TNK2: variants seen among roughly 807,000 people sequenced by gnomAD.
TNK2 encodes activated CDC42 kinase 1.
TNK2 carries 83 observed loss-of-function variants against 101.8 expected under a neutral mutation model. The ratio of observed to expected loss-of-function variants is 0.82; its 90% CI spans 0.68 to 0.98. The LOEUF is 0.98. TNK2 is among the 50% of genes least tolerant of loss of function. The pLI is 0.00. For synonymous variants in TNK2, 804 were observed against 633.0 expected (o/e 1.27, Z -4.06); for missense variants, 1,665 against 1,483.2 (o/e 1.12, Z -2.01).
At position 195,867,442 on chromosome 3, in the gene TNK2, CG is replaced by C. The variant is rs1560468011; in HGVS notation, c.2855del (p.Pro952ArgfsTer36). 6.3e-7 allele frequency: 1 copy of C among 1,595,496 alleles called. No individual in the cohort carries two copies. Among genetic ancestry groups the C allele is most frequent in the East Asian group, 2.2e-5 (1 of 44,638 alleles). ...TCTGTGGCAGCCGAGCAGTGGCCCT[CG>C]GGGGTGGTGGCCGGGCCCCTGGGTT... ...NSNPGARPPP[P>X]RATARLPQRG... is the part of the protein sequence containing the mutation. On this transcript the variant is annotated frameshift_variant, in exon 13 of 16. Coordinates refer to ENST00000672887, the MANE Select transcript of TNK2 (RefSeq NM_001382273.1). LOFTEE classifies it high-confidence loss of function.
chr3:195,905,003 G>T (rs1441280833), intron 1 of TNK2, among the ~76,000 whole-genome samples: 1 of 152,124 alleles, frequency 6.6e-6, no homozygotes, highest in Non-Finnish European at 1.5e-5. Context: ...AAATGTATAT[G>T]GAAGTGCAAA....
At chr3:195,875,986 G>A (rs1448917320) in intron 9 of TNK2, among the ~76,000 whole-genome samples, 1 of 152,130 alleles carries the variant, frequency 6.6e-6, no homozygotes, top group South Asian at 2.1e-4. Context: ...CAAAACGCCC[G>A]CCCGCTCTTC....
intron 1 of TNK2, among the ~76,000 whole-genome samples, chr3:195,901,285 TG>T (rs1208667687): frequency 1.3e-5 from 2 of 152,028 alleles, no homozygotes; most frequent in African/African-American, 2.4e-5. Context: ...GCTCAGGATC[TG>T]GGGGAGGGCA....
intron 1 of TNK2, among the ~76,000 whole-genome samples, chr3:195,898,399 C>G (rs1050228583): frequency 6.6e-6 from 1 of 152,150 alleles, no homozygotes; most frequent in African/African-American, 2.4e-5. Context: ...AATGGAATCC[C>G]CATCATAAAA....
Position 195,881,607 on chromosome 3 carries a change from A to G in TNK2, c.887+444T>C, listed in dbSNP as rs368166212. Among the ~76,000 whole-genome samples, 136 of 51,946 alleles carry G rather than the reference A, an allele frequency of 2.6e-3. 2 individuals carry two copies. In the East Asian group the frequency reaches 0.029, roughly 11 times the overall value. 34.1% of individuals were successfully genotyped at this position (51,946 alleles called of 152,430 possible). ...AACACCCCCCCAGCGATGCCCCTTG[A>G]AGAGGACACAGCATCTATCCTTGTA... On this transcript the variant is annotated intron_variant, in intron 6 of 15. Coordinates refer to ENST00000672887, the MANE Select transcript of TNK2 (RefSeq NM_001382273.1).
In TNK2 at chr3:195,864,007, A is replaced by AG; in HGVS notation, c.*173dup. ...TGTGCAGGGACAGCGCTGGTGCAGGAGGGATGGGCAGGGCAGGGCTCCCAG... is the reference window on the plus strand; with the variant it reads ...TGTGCAGGGACAGCGCTGGTGCAGGAGGGGATGGGCAGGGCAGGGCTCCCAG... On this transcript the variant is annotated 3_prime_UTR_variant, in exon 16 of 16. Transcript: ENST00000672887. 1.3e-6 allele frequency: 1 copy of AG among 771,486 alleles called. No homozygotes were observed. Among genetic ancestry groups the AG allele is most frequent in the South Asian group, 1.7e-5 (1 of 60,164 alleles). The allele number at this position is 771,486 out of a possible 1,614,324, so 47.8% of individuals were successfully genotyped here. A position where few individuals can be genotyped will look rare whatever the true frequency, so the allele number is the denominator to read the frequency against.
Position 195,869,511 on chromosome 3 carries a change from G to A in TNK2, c.1574C>T (p.Ala525Val), listed in dbSNP as rs1242904534. 2 of 1,550,870 alleles carry A rather than the reference G, an allele frequency of 1.3e-6. No individual in the cohort carries two copies. The highest frequency in any genetic ancestry group is 2.4e-5 in the East Asian group (1 of 40,930). The change falls in exon 12 of 16, where the codon GCC becomes GTC. Residue 525 changes from alanine (A) to valine (V), a missense_variant. Transcript: ENST00000672887. ...REPPPRPPQP[A>V]FFTQKPTYDP... is the part of the protein sequence containing the mutation. ...GCCCCACTTACTCTGAGTGAAGAAGGCAGGCTGAGGTGGGCGAGGTGGAGG... is the reference window on the plus strand; with the variant it reads ...GCCCCACTTACTCTGAGTGAAGAAGACAGGCTGAGGTGGGCGAGGTGGAGG...
At chr3:195,884,626 A>G in intron 4 of TNK2, 186 bp downstream of exon 4, 1 of 574,578 alleles carries the variant, frequency 1.7e-6, no homozygotes, top group Non-Finnish European at 3.0e-6. Flanking sequence ...CCTGGGCGAC[A>G]GAGCGAGACT....
chr3:195,869,597 A>G (rs1253397048), intron 11 of TNK2, 56 bp from the exon 12 acceptor site: 2 of 1,528,338 alleles, frequency 1.3e-6, no homozygotes, highest in African/African-American at 1.4e-5. Flanking sequence ...CAGAGGACAA[A>G]GGAGGGAGAC....
chr3:195,896,276 G>C (rs1397674379), intron 1 of TNK2: 1 of 343,330 alleles, frequency 2.9e-6, no homozygotes, highest in Admixed American at 3.8e-5. Flanking sequence ...AGGTATTTAG[G>C]GCTGAGCTCA....
At chr3:195,864,803 G>A (rs1440583888) in intron 15 of TNK2, among the ~76,000 whole-genome samples, 4 of 144,584 alleles carry the variant, frequency 2.8e-5, no homozygotes, top group East Asian at 2.1e-4. Flanking sequence ...GTGACAGACA[G>A]GTGACACGGA....
intron 4 of TNK2, 182 bp from the exon 5 acceptor site, chr3:195,883,491 CAG>C: frequency 1.5e-6 from 1 of 669,620 alleles, no homozygotes; most frequent in South Asian, 2.0e-5. Context: ...TGGAGAAGGG[CAG>C]ACGGCTGGCC....
chr3:195,871,194 T>G (rs1745051356), intron 10 of TNK2, among the ~76,000 whole-genome samples: 1 of 150,134 alleles, frequency 6.7e-6, no homozygotes, highest in Non-Finnish European at 1.5e-5. Context: ...CGCAAGAAGC[T>G]TCGGGGGGTG....
At chr3:195,891,990 G>A in intron 1 of TNK2, 14 of 1,006,832 alleles carry the variant, frequency 1.4e-5, no homozygotes, top group Non-Finnish European at 1.7e-5. Context: ...TGGGAGGACG[G>A]GAAGGAACTC....
intron 12 of TNK2, 87 bp downstream of exon 12, chr3:195,869,408 CAG>C: frequency 2.8e-6 from 4 of 1,423,372 alleles, no homozygotes; most frequent in Non-Finnish European, 3.9e-6. Context: ...CCCTCCGGCC[CAG>C]CCGCCCAGGC....
Position 195,888,635 on chromosome 3 carries a change from A to G in TNK2, c.-18-29T>C. 2 of 1,589,544 alleles carry G rather than the reference A, an allele frequency of 1.3e-6. No homozygotes were observed. Among genetic ancestry groups the G allele is most frequent in the Non-Finnish European group, 1.7e-6 (2 of 1,168,750 alleles). ...TGGGGGGAGGAGTGGCTCAGGGACA[A>G]GGGTTGTGGGGGGACAACAGGGGCC... is the stretch of plus-strand genomic sequence containing the variant. On this transcript the variant is annotated intron_variant, in intron 1 of 15. Coordinates refer to ENST00000672887, the MANE Select transcript of TNK2 (RefSeq NM_001382273.1). The surrounding 1 kb of genome is among the most constrained non-coding windows in gnomAD (Gnocchi z 5.3).
Position 195,867,195 on chromosome 3 carries a change from C to T in TNK2, c.3007G>A (p.Val1003Met), listed in dbSNP as rs552586640. 6.2e-5 allele frequency: 100 copies of T among 1,612,964 alleles called. No individual in the cohort carries two copies. The highest frequency in any genetic ancestry group is 3.3e-4 in the Admixed American group (20 of 60,020). ...TTCAGATACTGGGCAGCCCTCTGCA[C>T]GCTCCAGCCGTGGCACTGCAGGGCC... ...QAALQCHGWS[V>M]QRAAQYLKVE... The change falls in exon 14 of 16, where the codon GTG becomes ATG. Residue 1003 changes from valine to methionine, a missense_variant. Val to Met is a conservative substitution (Grantham distance 21). Around this residue, in one of 3 missense-constraint regions of TNK2, gnomAD observed 1,136 missense variants for 894.9 expected, o/e 1.27. Transcript: ENST00000672887.
Position 195,888,340 on chromosome 3 carries a change from A to T in TNK2, c.163+86T>A. 1 of 1,451,756 alleles carries T rather than the reference A, an allele frequency of 6.9e-7. No individual in the cohort carries two copies. The highest frequency in any genetic ancestry group is 9.5e-7 in the Non-Finnish European group (1 of 1,056,422). 89.9% of individuals were successfully genotyped at this position (1,451,756 alleles called of 1,614,324 possible). A position where few individuals can be genotyped will look rare whatever the true frequency, so the allele number is the denominator to read the frequency against. ...CTCAGGGCTCTGGGACAGAGTTCTC[A>T]GCTGCCACCCGTGCACCGAGTGGTC... On this transcript the variant is annotated intron_variant, in intron 2 of 15. Coordinates refer to ENST00000672887, the MANE Select transcript of TNK2 (RefSeq NM_001382273.1). This position sits in a 1 kb window ranked among gnomAD's most constrained non-coding sequence, Gnocchi z 5.3.
intron 1 of TNK2, chr3:195,895,136 G>T: frequency 9.5e-7 from 1 of 1,051,300 alleles, no homozygotes; most frequent in Non-Finnish European, 1.3e-6. Flanking sequence ...CCCAGGAGCA[G>T]ACACTCTCAC....
Sources: gnomAD v4.1 joint callset for allele counts (sites outside exome capture counted in the v4.1 genomes callset) on GRCh38, gnomAD v4.1.1 for gene constraint, gnomAD v4.1.1 regional missense constraint, Gnocchi (gnomAD v3.1) non-coding constraint, MANE v1.5 for transcripts, NCBI Gene and HGNC (gene_info 2026-07-23, HGNC 2026-07-21) for gene names.